The following SMURF2 variants were observed in gnomAD, a reference collection of about 807,000 sequenced individuals.
SMURF2 encodes the protein SMAD specific E3 ubiquitin protein ligase 2.
SMURF2 carries 48 observed loss-of-function variants against 109.6 expected under a neutral mutation model. The ratio of observed to expected loss-of-function variants is 0.44; its 90% CI spans 0.35 to 0.56. The LOEUF (loss-of-function observed/expected upper bound fraction) is 0.56. Ranked by LOEUF, SMURF2 falls within the 20% of genes least tolerant of loss-of-function variation. The pLI, the probability that SMURF2 is intolerant of heterozygous loss-of-function variation, is 0.01. For synonymous variants in SMURF2, 288 were observed against 317.1 expected (o/e 0.91, Z 0.97); for missense variants, 575 against 909.0 (o/e 0.63, Z 4.72).
chr17:64,660,392 A>C (rs7225784), intron 1 of SMURF2, among the ~76,000 whole-genome samples: 254 of 151,860 alleles, frequency 1.7e-3, no homozygotes, highest in African/African-American at 5.6e-3. Flanking sequence ...ACACTGAATG[A>C]GGGGGGAGGG....
chr17:64,564,422 G>A (rs1225645392), intron 10 of SMURF2, among the ~76,000 whole-genome samples: 1 of 152,196 alleles, frequency 6.6e-6, no homozygotes, highest in Non-Finnish European at 1.5e-5. Context: ...TGGAGATGGG[G>A]TGTTATGGGT....
chr17:64,643,517 T>C (rs782752035), intron 1 of SMURF2, among the ~76,000 whole-genome samples: 1 of 152,120 alleles, frequency 6.6e-6, no homozygotes. Context: ...TGGCTTTAAA[T>C]CGGGTTCAAT....
intron 1 of SMURF2, among the ~76,000 whole-genome samples, chr17:64,657,652 C>T (rs1970722340): frequency 6.6e-6 from 1 of 151,206 alleles, no homozygotes; most frequent in African/African-American, 2.4e-5. Context: ...TGCAGTAAGC[C>T]GGGATTGCTC....
chr17:64,558,406 A>C (rs1452477238), intron 12 of SMURF2, among the ~76,000 whole-genome samples: 2 of 152,168 alleles, frequency 1.3e-5, no homozygotes, highest in African/African-American at 4.8e-5. Flanking sequence ...AAGAAAAAAA[A>C]AAAAAGTCCA....
intron 1 of SMURF2, among the ~76,000 whole-genome samples, chr17:64,648,057 T>C (rs145496512): frequency 0.016 from 613 of 38,926 alleles, 3 homozygotes; most frequent in Middle Eastern, 0.038. Context: ...ACCCTATCTC[T>C]TAAAAAAAAA....
In SMURF2 at chr17:64,588,758, T is replaced by C. The variant is rs1488411220; in HGVS notation, c.400+2326A>G. Among the ~76,000 whole-genome samples the C allele has an allele frequency of 9.2e-5, 14 of 152,236 alleles. No homozygotes were observed. The East Asian group carries it at 2.5e-3, about 27-fold the overall frequency. ...CCTTAGCCTCCTGAGTAGCTGGGACTACAGGCACACACCACCATGCCACAC... is the reference window on the plus strand; with the variant it reads ...CCTTAGCCTCCTGAGTAGCTGGGACCACAGGCACACACCACCATGCCACAC... On this transcript the variant is annotated intron_variant, in intron 5 of 18. Coordinates refer to ENST00000262435, the MANE Select transcript of SMURF2 (RefSeq NM_022739.4).
intron 1 of SMURF2, among the ~76,000 whole-genome samples, chr17:64,653,690 C>T (rs1341177651): frequency 1.3e-5 from 2 of 152,094 alleles, no homozygotes; most frequent in Non-Finnish European, 2.9e-5. Context: ...TCAAGCAATC[C>T]GCCCAGCAGA....
At chr17:64,640,199 A>G (rs1324939048) in intron 1 of SMURF2, among the ~76,000 whole-genome samples, 5 of 152,236 alleles carry the variant, frequency 3.3e-5, no homozygotes, top group Non-Finnish European at 5.9e-5. Flanking sequence ...ATATTAAAAG[A>G]AATTGTGTTC....
At chr17:64,589,380 AT>A (rs1198585034) in intron 5 of SMURF2, among the ~76,000 whole-genome samples, 11 of 151,536 alleles carry the variant, frequency 7.3e-5, no homozygotes, top group African/African-American at 2.7e-4. Context: ...GTATGACTGA[AT>A]TTATTTTTGA....
chr17:64,647,756 T>C (rs1468257986), intron 1 of SMURF2, among the ~76,000 whole-genome samples: 1 of 151,644 alleles, frequency 6.6e-6, no homozygotes, highest in African/African-American at 2.4e-5. Context: ...CTGGTTCAGA[T>C]TACCTACAAA....
At chr17:64,627,374 C>T (rs1970282315) in intron 1 of SMURF2, among the ~76,000 whole-genome samples, 1 of 152,154 alleles carries the variant, frequency 6.6e-6, no homozygotes, top group Non-Finnish European at 1.5e-5. Flanking sequence ...CCTCAGCCTC[C>T]CAAAGTGCTG....
chr17:64,599,423 T>A (rs146908531), intron 2 of SMURF2, among the ~76,000 whole-genome samples: 1 of 152,306 alleles, frequency 6.6e-6, no homozygotes, highest in Non-Finnish European at 1.5e-5. Context: ...AAGGTTTGAA[T>A]CTGAACAGTA....
At chr17:64,613,133 G>A (rs1320237556) in intron 1 of SMURF2, among the ~76,000 whole-genome samples, 1 of 152,156 alleles carries the variant, frequency 6.6e-6, no homozygotes, top group African/African-American at 2.4e-5. Flanking sequence ...ACATCCTGGA[G>A]CCTTTACTGC....
rs1159343080 is a variant in SMURF2, at chr17:64,623,562, G to A, written c.53-16922C>T. 9.9e-5 allele frequency among the ~76,000 whole-genome samples: 15 copies of A among 152,228 alleles called. No homozygotes were observed. The South Asian group carries it at 1.2e-3, about 13-fold the overall frequency. ...CACTGCTCCTCCCTTTTATTCCATC[G>A]CAAGCCAGAAGTTTTGTTAAGTATT... On this transcript the variant is annotated intron_variant, in intron 1 of 18. Coordinates refer to ENST00000262435, the MANE Select transcript of SMURF2 (RefSeq NM_022739.4).
chr17:64,649,946 A>G (rs1970613777), intron 1 of SMURF2, among the ~76,000 whole-genome samples: 1 of 151,364 alleles, frequency 6.6e-6, no homozygotes, highest in Non-Finnish European at 1.5e-5. Flanking sequence ...CAAGACATTT[A>G]TGCCTTTTTT....
intron 1 of SMURF2, among the ~76,000 whole-genome samples, chr17:64,626,069 T>G (rs1446022817): frequency 6.7e-6 from 1 of 150,132 alleles, no homozygotes; most frequent in Non-Finnish European, 1.5e-5. Context: ...AGGTCAGGAG[T>G]TCGAGACCGA....
intron 1 of SMURF2, among the ~76,000 whole-genome samples, chr17:64,608,043 A>AAATAAATAAATC (rs1401811277): frequency 2.0e-5 from 3 of 148,824 alleles, no homozygotes; most frequent in Admixed American, 6.7e-5. Context: ...ATAAATAAAT[A>AAATAAATAAATC]AATCTGCTTA....
rs1256476361 is a variant in SMURF2 at position 64,546,020 on chromosome 17, T to TA, written c.2148-74dup. ...AACTGGCCTAGCAAGTGTATACCAG[T>TA]ATAGCCACATCACTCTGTGTCACAC... On this transcript the variant is annotated intron_variant, in intron 18 of 18. Coordinates refer to ENST00000262435, the MANE Select transcript of SMURF2 (RefSeq NM_022739.4). 422 of 980,294 alleles carry TA rather than the reference T, an allele frequency of 4.3e-4. 1 individual carries two copies. The highest frequency in any genetic ancestry group is 4.2e-3 in the Middle Eastern group (18 of 4,304). The allele number at this position is 980,294 out of a possible 1,614,324, so 60.7% of individuals were successfully genotyped here. A position where few individuals can be genotyped will look rare whatever the true frequency, so the allele number is the denominator to read the frequency against.
intron 1 of SMURF2, among the ~76,000 whole-genome samples, chr17:64,638,062 CTTTTTTTTTT>C (rs1195172818): frequency 2.9e-5 from 3 of 102,426 alleles, no homozygotes; most frequent in Admixed American, 1.0e-4. Context: ...TTTCCTTTTT[CTTTTTTTTTT>C]TTTTTTTTTT....
Sources: gnomAD v4.1 joint callset for allele counts (sites outside exome capture counted in the v4.1 genomes callset) on GRCh38, gnomAD v4.1.1 for gene constraint, MANE v1.5 for transcripts, NCBI Gene and HGNC (gene_info 2026-07-23, HGNC 2026-07-21) for gene names.